Variants in ADAMTS2 observed in about 807,000 individuals in gnomAD.
ADAMTS2 encodes the protein A disintegrin and metalloproteinase with thrombospondin motifs 2.
ADAMTS2 carries 50 observed loss-of-function variants against 123.0 expected under a neutral mutation model. The observed-to-expected ratio is 0.41, with a 90% confidence interval of 0.32 to 0.51. ADAMTS2 has a LOEUF of 0.51. Ranked by LOEUF, ADAMTS2 falls within the 20% of genes least tolerant of loss-of-function variation. The probability of loss-of-function intolerance (pLI) is 0.35; values close to 1 mark genes in which losing one functional copy is unlikely to be tolerated. For missense variants in ADAMTS2, 1,494 were observed against 1,705.2 expected, an observed-to-expected ratio of 0.88 and a Z score of 2.18; for synonymous variants, 678 against 695.4, an observed-to-expected ratio of 0.98 and a Z score of 0.39.
chr5:179,328,308 A>C (rs1450211844), intron 2 of ADAMTS2, among the ~76,000 whole-genome samples: 4 of 152,272 alleles, frequency 2.6e-5, no homozygotes, highest in Non-Finnish European at 5.9e-5. Context: ...CTGGGATTGC[A>C]GGCGTGAGCC....
Position 179,158,912 on chromosome 5 carries a change from G to T in ADAMTS2, c.976-33C>A. On this transcript the variant is annotated intron_variant, in intron 5 of 21. Transcript: ENST00000251582. The surrounding 1 kb of genome is among the most constrained non-coding windows in gnomAD (Gnocchi z 5.0). Reference sequence around the variant, plus strand: ...GGGATGGAGAGAAATGGAAGAGAGAGGTTGGCGCCTGGTGGCCCAGTGGGG... The same window carrying T: ...GGGATGGAGAGAAATGGAAGAGAGATGTTGGCGCCTGGTGGCCCAGTGGGG... 6.2e-7 allele frequency: 1 copy of T among 1,611,480 alleles called. No homozygotes were observed. Among genetic ancestry groups the T allele is most frequent in the Admixed American group, 1.7e-5 (1 of 59,722 alleles).
intron 3 of ADAMTS2, among the ~76,000 whole-genome samples, chr5:179,232,474 T>A (rs1398317059): frequency 6.6e-6 from 1 of 152,224 alleles, no homozygotes; most frequent in Non-Finnish European, 1.5e-5. Flanking sequence ...TGCTCGGAAG[T>A]GTCAGAACCA....
chr5:179,168,167 G>A (rs77169636), intron 5 of ADAMTS2, among the ~76,000 whole-genome samples: 2,538 of 152,286 alleles, frequency 0.017, 75 homozygotes, highest in East Asian at 0.11. Flanking sequence ...ATGGCAGGAT[G>A]TTGAGCACAC....
At chr5:179,268,009 C>T (rs969613662) in intron 3 of ADAMTS2, among the ~76,000 whole-genome samples, 6 of 152,348 alleles carry the variant, frequency 3.9e-5, no homozygotes, top group South Asian at 4.1e-4. Flanking sequence ...AGCTCAGCGC[C>T]GTGGCTGGAT....
At chr5:179,299,490 C>T (rs1188248307) in intron 2 of ADAMTS2, among the ~76,000 whole-genome samples, 4 of 146,312 alleles carry the variant, frequency 2.7e-5, no homozygotes, top group Non-Finnish European at 6.0e-5. Flanking sequence ...GATCACACCA[C>T]AGCACTCCAG....
intron 2 of ADAMTS2, among the ~76,000 whole-genome samples, chr5:179,300,372 T>C (rs1756482390): frequency 6.6e-6 from 1 of 152,252 alleles, no homozygotes; most frequent in Non-Finnish European, 1.5e-5. Flanking sequence ...TCAATGATAA[T>C]GACCATATGT....
intron 3 of ADAMTS2, among the ~76,000 whole-genome samples, chr5:179,214,941 C>T (rs971841518): frequency 2.0e-5 from 3 of 152,036 alleles, no homozygotes; most frequent in Non-Finnish European, 2.9e-5. Context: ...AATTATTCTC[C>T]GCCAAATAAT....
intron 19 of ADAMTS2, among the ~76,000 whole-genome samples, chr5:179,124,468 TGGA>T (rs1762816811): frequency 6.6e-6 from 1 of 152,186 alleles, no homozygotes. Context: ...CCTAGGATCC[TGGA>T]GCCCCGAACA....
In ADAMTS2 at chr5:179,115,180, C is replaced by A. The variant is rs1205206011; in HGVS notation, c.3179-856G>T. 6.6e-6 allele frequency among the ~76,000 whole-genome samples: 1 copy of A among 152,128 alleles called. No homozygotes were observed. Among genetic ancestry groups the A allele is most frequent in the African/African-American group, 2.4e-5 (1 of 41,430 alleles). On this transcript the variant is annotated intron_variant, in intron 21 of 21. Transcript: ENST00000251582. This position sits in a 1 kb window ranked among gnomAD's most constrained non-coding sequence, Gnocchi z 4.4. ...AGCCCCGACTCTCCACAGAAGCCAC[C>A]ATTATCTCTCACTTTCCACCCAGCC... is the stretch of plus-strand genomic sequence containing the variant.
intron 2 of ADAMTS2, among the ~76,000 whole-genome samples, chr5:179,283,141 G>A (rs2113531434): frequency 6.6e-6 from 1 of 152,142 alleles, no homozygotes; most frequent in Admixed American, 6.5e-5. Flanking sequence ...GGAAATCACA[G>A]GTCGAAATAG....
At chr5:179,136,137 G>T in intron 12 of ADAMTS2, 95 bp from the exon 13 acceptor site, 1 of 1,593,232 alleles carries the variant, frequency 6.3e-7, no homozygotes, top group Non-Finnish European at 8.6e-7. Flanking sequence ...TTCCACAAGG[G>T]TCCCCACGTG....
At chr5:179,342,237 C>G (rs1757797603) in intron 2 of ADAMTS2, among the ~76,000 whole-genome samples, 1 of 152,346 alleles carries the variant, frequency 6.6e-6, no homozygotes, top group East Asian at 1.9e-4. Context: ...GGCCCACCAA[C>G]AGACTGCAAC....
At chr5:179,212,884 C>T (rs886698755) in intron 3 of ADAMTS2, among the ~76,000 whole-genome samples, 2 of 152,056 alleles carry the variant, frequency 1.3e-5, no homozygotes, top group Non-Finnish European at 2.9e-5. Flanking sequence ...AAGCTCAGTC[C>T]TATGCCTTTT....
intron 6 of ADAMTS2, among the ~76,000 whole-genome samples, chr5:179,157,962 T>G (rs4701063): frequency 0.19 from 29,109 of 151,946 alleles, 3,580 homozygotes; most frequent in African/African-American, 0.35. Context: ...TTGTTTGGTT[T>G]TTTTTGTCTC....
At chr5:179,237,227 C>T (rs1200253860) in intron 3 of ADAMTS2, among the ~76,000 whole-genome samples, 1 of 152,226 alleles carries the variant, frequency 6.6e-6, no homozygotes, top group Admixed American at 6.5e-5. Flanking sequence ...CGTGCCACTG[C>T]ACTCCAGCCT....
chr5:179,305,688 C>T (rs1756648365), intron 2 of ADAMTS2, among the ~76,000 whole-genome samples: 1 of 151,840 alleles, frequency 6.6e-6, no homozygotes, highest in Admixed American at 6.6e-5. Flanking sequence ...TCAATGAAAC[C>T]AAATTTGGTT....
At chr5:179,321,291 C>G (rs1195276719) in intron 2 of ADAMTS2, among the ~76,000 whole-genome samples, 1 of 152,180 alleles carries the variant, frequency 6.6e-6, no homozygotes. Context: ...GCACTCACAT[C>G]TAAGACTGCA....
intron 3 of ADAMTS2, among the ~76,000 whole-genome samples, chr5:179,255,270 ACT>A (rs1450628506): frequency 2.6e-5 from 4 of 152,124 alleles, no homozygotes; most frequent in Admixed American, 6.5e-5. Context: ...AGACAGAAAG[ACT>A]CTGATACTGG....
intron 17 of ADAMTS2, among the ~76,000 whole-genome samples, chr5:179,126,932 C>T (rs986049443): frequency 2.6e-5 from 4 of 152,168 alleles, no homozygotes; most frequent in African/African-American, 9.7e-5. Context: ...TTAAGGCCGG[C>T]GTGGCCAGGA....
Sources: gnomAD v4.1 joint callset for allele counts (sites outside exome capture counted in the v4.1 genomes callset) on GRCh38, gnomAD v4.1.1 for gene constraint, Gnocchi (gnomAD v3.1) non-coding constraint, MANE v1.5 for transcripts, NCBI Gene and HGNC (gene_info 2026-07-23, HGNC 2026-07-21) for gene names.